SASH1: variants seen among roughly 807,000 people sequenced by gnomAD.
SASH1 encodes SAM and SH3 domain containing 1.
In SASH1, 44 loss-of-function variants were observed where a neutral mutation model predicts 125.2. The observed-to-expected ratio is 0.35, with a 90% confidence interval of 0.28 to 0.45. The LOEUF (loss-of-function observed/expected upper bound fraction) is 0.45, where lower values mean the gene tolerates loss of function less well. Ranked by LOEUF, SASH1 falls within the 20% of genes least tolerant of loss-of-function variation. The pLI is 1.00. For synonymous variants in SASH1, 639 were observed against 649.1 expected, an observed-to-expected ratio of 0.98 and a Z score of 0.24; for missense variants, 1,426 against 1,614.5, an observed-to-expected ratio of 0.88 and a Z score of 2.00.
At chr6:148,468,815 AT>A in intron 5 of SASH1, 1 of 411,410 alleles carries the variant, frequency 2.4e-6, no homozygotes, top group Non-Finnish European at 4.3e-6. Flanking sequence ...TGTTATGAGC[AT>A]TTTCCCATGA....
At chr6:148,435,378 C>CAAA (rs35272119) in intron 2 of SASH1, among the ~76,000 whole-genome samples, 15 of 104,430 alleles carry the variant, frequency 1.4e-4, no homozygotes, top group African/African-American at 4.5e-4. Flanking sequence ...GACTCTGACT[C>CAAA]AAAAAAAAAA....
chr6:148,325,314 T>C lies in SASH1; in HGVS notation n.74+52937T>C, dbSNP rs139430667. On this transcript the variant is annotated intron_variant and non_coding_transcript_variant, in intron 1 of 3. Coordinates refer to the SASH1 transcript ENST00000367469. ...TTTTTGAGACAGAGTCTTACTCTGT[T>C]GCCCAGGCTGGAGTGCAAGTGTCGC... Among the ~76,000 whole-genome samples the C allele has an allele frequency of 8.4e-3, 1,268 of 150,120 alleles. 11 individuals carry two copies. Among genetic ancestry groups the C allele is most frequent in the Non-Finnish European group, 0.014 (953 of 67,640 alleles).
chr6:148,344,755 CTT>C (rs762490919), intron 1 of SASH1, among the ~76,000 whole-genome samples: 14 of 143,486 alleles, frequency 9.8e-5, no homozygotes, highest in African/African-American at 1.8e-4. Context: ...TTTTTCTTTT[CTT>C]TTTTTTTTTT....
At chr6:148,274,803 C>T (rs1255122133) in intron 1 of SASH1, among the ~76,000 whole-genome samples, 1 of 152,206 alleles carries the variant, frequency 6.6e-6, no homozygotes, top group African/African-American at 2.4e-5. Context: ...GAGACTTCCA[C>T]AGTGATACCT....
Position 148,309,217 on chromosome 6 carries a change from C to T in SASH1, n.74+36840C>T, listed in dbSNP as rs533587805. On this transcript the variant is annotated intron_variant and non_coding_transcript_variant, in intron 1 of 3. Transcript: ENST00000367469. Reference sequence around the variant, plus strand: ...GTGAGAACTGAAGGTTATTATAATCCAGAAAGAGTGATGGAGTATAAAGAC... The same window carrying T: ...GTGAGAACTGAAGGTTATTATAATCTAGAAAGAGTGATGGAGTATAAAGAC... 7.2e-5 allele frequency among the ~76,000 whole-genome samples: 11 copies of T among 152,032 alleles called. No homozygotes were observed. The South Asian group carries it at 1.9e-3, about 26-fold the overall frequency.
chr6:148,232,436 A>G, the SASH1 span, among the ~76,000 whole-genome samples: 1 of 152,232 alleles, frequency 6.6e-6, no homozygotes, highest in East Asian at 1.9e-4. Context: ...GTCAAGGATA[A>G]CTGATTCTGA....
intron 4 of SASH1, among the ~76,000 whole-genome samples, chr6:148,466,920 T>C (rs1777862679): frequency 6.6e-6 from 1 of 152,024 alleles, no homozygotes. Flanking sequence ...GTGGTGAACT[T>C]GTAGTGAAGA....
intron 4 of SASH1, among the ~76,000 whole-genome samples, chr6:148,466,572 C>T (rs1242834854): frequency 6.6e-6 from 1 of 152,156 alleles, no homozygotes; most frequent in East Asian, 1.9e-4. Context: ...ATTCTTCTTC[C>T]TCTGAATGAG....
chr6:148,249,325 CGTGT>C, the SASH1 span, among the ~76,000 whole-genome samples: 319 of 129,128 alleles, frequency 2.5e-3, 2 homozygotes, highest in South Asian at 5.0e-3. Flanking sequence ...TGCATGTGCA[CGTGT>C]GTGTGTGTGT....
chr6:148,539,779 C>T (rs928987185), intron 16 of SASH1, among the ~76,000 whole-genome samples: 1 of 152,124 alleles, frequency 6.6e-6, no homozygotes, highest in Non-Finnish European at 1.5e-5. Flanking sequence ...CAACCTCTAA[C>T]TCATCCCAAA....
At chr6:148,289,051 G>A (rs7766557) in intron 1 of SASH1, among the ~76,000 whole-genome samples, 60,988 of 151,568 alleles carry the variant, frequency 0.4, 12,631 homozygotes, top group East Asian at 0.58. Context: ...CTGGAGTGCA[G>A]CGGCATGATC....
chr6:148,229,147 A>AAAAC, the SASH1 span, among the ~76,000 whole-genome samples: 1 of 141,668 alleles, frequency 7.1e-6, no homozygotes, highest in Admixed American at 7.0e-5. Context: ...AAAAAAAAAA[A>AAAAC]AAAAAAAAAA....
At chr6:148,350,380 T>C (rs1398590081) in intron 1 of SASH1, among the ~76,000 whole-genome samples, 1 of 152,224 alleles carries the variant, frequency 6.6e-6, no homozygotes, top group African/African-American at 2.4e-5. Flanking sequence ...TAGAATGTGG[T>C]TCCTTAAAAG....
chr6:148,194,864 C>T, the SASH1 span, among the ~76,000 whole-genome samples: 1 of 152,180 alleles, frequency 6.6e-6, no homozygotes, highest in Non-Finnish European at 1.5e-5. Flanking sequence ...CGAGATCGCG[C>T]CACTGCACTC....
At chr6:148,258,894 G>A in the SASH1 span, among the ~76,000 whole-genome samples, 25 of 152,180 alleles carry the variant, frequency 1.6e-4, no homozygotes, top group African/African-American at 5.6e-4. Context: ...CAGAACAACA[G>A]GCTCAGCTTG....
At position 148,412,788 on chromosome 6, in the gene SASH1, A is replaced by G. The variant is rs1583112895; in HGVS notation, c.285+22526A>G. Among the ~76,000 whole-genome samples the G allele has an allele frequency of 3.3e-5, 5 of 152,124 alleles. No homozygotes were observed. The East Asian group carries it at 9.6e-4, about 29-fold the overall frequency. On this transcript the variant is annotated intron_variant, in intron 2 of 19. Coordinates refer to ENST00000367467, the MANE Select transcript of SASH1 (RefSeq NM_015278.5). ...ACTGGGGATCACATTTCAATATGAGATTTAGAGGGGACAGACATCCAAACT... is the reference window on the plus strand; with the variant it reads ...ACTGGGGATCACATTTCAATATGAGGTTTAGAGGGGACAGACATCCAAACT...
chr6:148,322,917 T>TC (rs1452245077), intron 1 of SASH1, among the ~76,000 whole-genome samples: 9 of 126,124 alleles, frequency 7.1e-5, no homozygotes, highest in Non-Finnish European at 1.2e-4. Context: ...TTTCTTTCTT[T>TC]TTTCTTTCTC....
chr6:148,210,152 T>G, the SASH1 span, among the ~76,000 whole-genome samples: 1 of 152,358 alleles, frequency 6.6e-6, no homozygotes, highest in East Asian at 1.9e-4. Flanking sequence ...AAGCCAACTG[T>G]GTCACCAGGA....
At chr6:148,420,394 ACTTGCAACTCAGATATAAC>A (rs2114938820) in intron 2 of SASH1, among the ~76,000 whole-genome samples, 1 of 152,344 alleles carries the variant, frequency 6.6e-6, no homozygotes, top group South Asian at 2.1e-4. Flanking sequence ...CTCTATTCAC[ACTTGCAACTCAGATATAAC>A]CACATGCTTT....
Sources: gnomAD v4.1 joint callset for allele counts (sites outside exome capture counted in the v4.1 genomes callset) on GRCh38, gnomAD v4.1.1 for gene constraint, MANE v1.5 for transcripts, NCBI Gene and HGNC (gene_info 2026-07-23, HGNC 2026-07-21) for gene names.